The following SH3RF3 variants were observed in gnomAD, a reference collection of about 807,000 sequenced individuals.
The protein encoded by SH3RF3 is E3 ubiquitin-protein ligase SH3RF3.
SH3RF3 carries 29 observed loss-of-function variants against 66.3 expected under a neutral mutation model. The ratio of observed to expected loss-of-function variants is 0.44; its 90% CI spans 0.33 to 0.60. The LOEUF (loss-of-function observed/expected upper bound fraction) is 0.60, where lower values mean the gene tolerates loss of function less well. SH3RF3 is among the 20% of genes least tolerant of loss of function. SH3RF3 has a pLI of 0.04. For synonymous variants in SH3RF3, 583 were observed against 532.0 expected, an observed-to-expected ratio of 1.10 and a Z score of -1.32; for missense variants, 1,194 against 1,190.9, an observed-to-expected ratio of 1.00 and a Z score of -0.04.
intron 1 of SH3RF3, among the ~76,000 whole-genome samples, chr2:109,254,747 C>T (rs182035451): frequency 4.6e-5 from 7 of 152,190 alleles, no homozygotes; most frequent in South Asian, 2.1e-4. Flanking sequence ...CTCTCATTGC[C>T]GGGACTTTAG....
intron 1 of SH3RF3, among the ~76,000 whole-genome samples, chr2:109,145,336 G>C (rs984787573): frequency 6.6e-6 from 1 of 152,182 alleles, no homozygotes; most frequent in Non-Finnish European, 1.5e-5. Flanking sequence ...CTTCATGCCA[G>C]GTTTGCAGTC....
chr2:109,430,080 T>C (rs1677151150), intron 5 of SH3RF3, among the ~76,000 whole-genome samples: 1 of 152,160 alleles, frequency 6.6e-6, no homozygotes, highest in Admixed American at 6.5e-5. Flanking sequence ...CTAGGGCGTG[T>C]TCTGAGCCTG....
intron 3 of SH3RF3, among the ~76,000 whole-genome samples, chr2:109,388,661 C>T (rs763628043): frequency 5.3e-5 from 8 of 152,210 alleles, no homozygotes; most frequent in Middle Eastern, 3.2e-3. Flanking sequence ...AGGTGTTTAT[C>T]GAGCATGTAC....
chr2:109,243,216 A>G (rs1200183192), intron 1 of SH3RF3, among the ~76,000 whole-genome samples: 1 of 152,240 alleles, frequency 6.6e-6, no homozygotes, highest in Non-Finnish European at 1.5e-5. Flanking sequence ...AGAGGTCTGC[A>G]GATCCCCTGC....
At chr2:109,307,426 T>C (rs1208482977) in intron 1 of SH3RF3, among the ~76,000 whole-genome samples, 1 of 132,294 alleles carries the variant, frequency 7.6e-6, no homozygotes, top group Non-Finnish European at 1.5e-5. Flanking sequence ...ATGCACTTTT[T>C]TTTTTTATTA....
rs1010964180 is a variant in SH3RF3, at chr2:109,357,766, T to C, written c.849+9817T>C. Among the ~76,000 whole-genome samples, 5 of 152,362 alleles carry C rather than the reference T, an allele frequency of 3.3e-5. 1 individual carries two copies. The South Asian group carries it at 6.2e-4, about 19-fold the overall frequency. ...TTAGATTTTTAAAAAATAGGTGTTATATTTTTAGAGCCGTTGTAAGTTCAC... is the reference window on the plus strand; with the variant it reads ...TTAGATTTTTAAAAAATAGGTGTTACATTTTTAGAGCCGTTGTAAGTTCAC... On this transcript the variant is annotated intron_variant, in intron 2 of 9. Transcript: ENST00000309415.
intron 1 of SH3RF3, among the ~76,000 whole-genome samples, chr2:109,252,574 A>G (rs982060707): frequency 7.2e-5 from 11 of 152,230 alleles, no homozygotes; most frequent in Non-Finnish European, 1.5e-4. Context: ...AACTAGAATG[A>G]CAGAATGAGT....
At chr2:109,317,678 T>A (rs184673303) in intron 1 of SH3RF3, among the ~76,000 whole-genome samples, 1 of 152,248 alleles carries the variant, frequency 6.6e-6, no homozygotes, top group Non-Finnish European at 1.5e-5. Flanking sequence ...ACATAAATAT[T>A]AGTTGCTGCA....
intron 2 of SH3RF3, among the ~76,000 whole-genome samples, chr2:109,368,981 C>T (rs1243123263): frequency 4.6e-5 from 7 of 152,054 alleles, no homozygotes; most frequent in African/African-American, 1.2e-4. Flanking sequence ...CACAGATTTC[C>T]GGAGCATTCT....
intron 1 of SH3RF3, among the ~76,000 whole-genome samples, chr2:109,186,754 C>G (rs540058767): frequency 8.6e-4 from 131 of 152,262 alleles, no homozygotes; most frequent in African/African-American, 3.0e-3. Context: ...GAGGACTGGG[C>G]AGCATGTGGG....
At position 109,371,631 on chromosome 2, in the gene SH3RF3, G is replaced by A. The variant is rs931022693; in HGVS notation, c.895G>A (p.Glu299Lys). The A allele has an allele frequency of 1.2e-6, 2 of 1,614,086 alleles. No individual in the cohort carries two copies. The highest frequency in any genetic ancestry group is 2.7e-5 in the African/African-American group (2 of 75,050). The change falls in exon 3 of 10, where the codon GAA becomes AAA. Residue 299 changes from glutamate (E) to lysine (K), a missense_variant. By Grantham distance (56) the Glu-to-Lys change is moderately conservative. Coordinates refer to ENST00000309415, the MANE Select transcript of SH3RF3 (RefSeq NM_001099289.3). ...CAGGAGAGTGGATGAGAACTGGGCG[G>A]AAGGCATGCTGGGAGACAAGATCGG... is the stretch of plus-strand genomic sequence containing the variant. Reference protein sequence around the residue: ...VLRRVDENWAEGMLGDKIGIF... With the variant: ...VLRRVDENWAKGMLGDKIGIF...
At chr2:109,293,490 C>T in intron 1 of SH3RF3, among the ~76,000 whole-genome samples, 1 of 152,236 alleles carries the variant, frequency 6.6e-6, no homozygotes. Flanking sequence ...TCTCTCTCCA[C>T]TGCCAGTGGT....
intron 1 of SH3RF3, among the ~76,000 whole-genome samples, chr2:109,338,839 C>G (rs1682488827): frequency 6.6e-6 from 1 of 152,126 alleles, no homozygotes; most frequent in Admixed American, 6.5e-5. Context: ...GCCATTGCGC[C>G]AAGTCTTGCA....
chr2:109,183,052 T>A (rs1678106047), intron 1 of SH3RF3, among the ~76,000 whole-genome samples: 1 of 152,218 alleles, frequency 6.6e-6, no homozygotes, highest in Non-Finnish European at 1.5e-5. Context: ...TAGTCGTTTT[T>A]ATCCCAAGCC....
At chr2:109,449,034 G>A (rs757786810) in intron 7 of SH3RF3, 136 bp from the exon 8 acceptor site, 13 of 1,035,062 alleles carry the variant, frequency 1.3e-5, no homozygotes, top group Non-Finnish European at 1.8e-5. Context: ...AAGAGGCCAG[G>A]TCTGTCTGGA....
At chr2:109,300,846 C>T (rs1366450725) in intron 1 of SH3RF3, among the ~76,000 whole-genome samples, 3 of 152,188 alleles carry the variant, frequency 2.0e-5, no homozygotes, top group East Asian at 3.9e-4. Flanking sequence ...AAGGCTCCTA[C>T]TAAATCAGAA....
At chr2:109,266,341 T>C (rs1269042720) in intron 1 of SH3RF3, among the ~76,000 whole-genome samples, 1 of 151,918 alleles carries the variant, frequency 6.6e-6, no homozygotes, top group Admixed American at 6.6e-5. Flanking sequence ...TGTGTGTGTA[T>C]GTATGTATAC....
At chr2:109,279,880 G>T (rs1205579230) in intron 1 of SH3RF3, among the ~76,000 whole-genome samples, 1 of 152,046 alleles carries the variant, frequency 6.6e-6, no homozygotes, top group Non-Finnish European at 1.5e-5. Flanking sequence ...TGGGCCCCTG[G>T]GGGGTGAGAG....
intron 1 of SH3RF3, among the ~76,000 whole-genome samples, chr2:109,197,264 C>T (rs1338055054): frequency 1.3e-5 from 2 of 152,044 alleles, no homozygotes; most frequent in African/African-American, 4.8e-5. Flanking sequence ...ATTCGTTGGT[C>T]GTTAGGGATG....
Sources: allele counts gnomAD v4.1 joint callset (sites outside exome capture counted in the v4.1 genomes callset), GRCh38; gene constraint gnomAD v4.1.1; transcripts MANE v1.5; gene names NCBI Gene and HGNC (gene_info 2026-07-23, HGNC 2026-07-21).